Variants in PDE1A observed in about 807,000 individuals in gnomAD.
PDE1A encodes the protein dual specificity calcium/calmodulin-dependent 3',5'-cyclic nucleotide phosphodiesterase 1A.
PDE1A carries 35 observed loss-of-function variants against 61.7 expected under a neutral mutation model. The ratio of observed to expected loss-of-function variants is 0.57; its 90% CI spans 0.43 to 0.75. The LOEUF (loss-of-function observed/expected upper bound fraction) is 0.75, where lower values mean the gene tolerates loss of function less well. PDE1A is among the 30% of genes least tolerant of loss of function. The pLI is 0.00. For missense variants in PDE1A, 597 were observed against 630.6 expected (o/e 0.95, Z 0.57); for synonymous variants, 232 against 213.2 (o/e 1.09, Z -0.77).
intron 1 of PDE1A, among the ~76,000 whole-genome samples, chr2:182,383,522 G>A (rs942674442): frequency 2.0e-5 from 3 of 152,018 alleles, no homozygotes; most frequent in Non-Finnish European, 4.4e-5. Context: ...ATAATACAAG[G>A]CGAAGGAAAA....
intron 13 of PDE1A, among the ~76,000 whole-genome samples, chr2:182,149,839 A>G (rs1690686233): frequency 1.3e-5 from 2 of 152,196 alleles, no homozygotes; most frequent in South Asian, 4.1e-4. Flanking sequence ...ATGGTTTTGA[A>G]TCATAGATCC....
the PDE1A span, among the ~76,000 whole-genome samples, chr2:182,670,832 G>A: frequency 5.3e-5 from 8 of 152,112 alleles, no homozygotes; most frequent in South Asian, 6.2e-4. Context: ...GGGGAGGCGG[G>A]TGGTGGATGG....
At chr2:182,654,667 C>T in the PDE1A span, among the ~76,000 whole-genome samples, 23,956 of 152,042 alleles carry the variant, frequency 0.16, 2,521 homozygotes, top group African/African-American at 0.3. Flanking sequence ...ATGGCATACA[C>T]ATGAAGTAAC....
the PDE1A span, among the ~76,000 whole-genome samples, chr2:182,690,908 A>T: frequency 6.6e-6 from 1 of 152,228 alleles, no homozygotes; most frequent in African/African-American, 2.4e-5. Flanking sequence ...GAGCCAAATC[A>T]TGAGTGAACT....
intron 11 of PDE1A, among the ~76,000 whole-genome samples, chr2:182,186,901 A>T (rs1263567744): frequency 6.6e-6 from 1 of 152,216 alleles, no homozygotes; most frequent in African/African-American, 2.4e-5. Flanking sequence ...ATTTAGATCC[A>T]ATGAGAGTGA....
At chr2:182,444,795 G>A (rs1318795108) in intron 2 of PDE1A, among the ~76,000 whole-genome samples, 3 of 152,062 alleles carry the variant, frequency 2.0e-5, no homozygotes, top group Non-Finnish European at 4.4e-5. Context: ...ATATATAGCT[G>A]AATAACATGT....
At chr2:182,245,880 T>C (rs1690907245) in intron 2 of PDE1A, among the ~76,000 whole-genome samples, 1 of 152,198 alleles carries the variant, frequency 6.6e-6, no homozygotes, top group Admixed American at 6.5e-5. Flanking sequence ...CATAAGTGTT[T>C]AGTTTTGCAA....
chr2:182,383,791 G>A (rs1034322986), intron 1 of PDE1A, among the ~76,000 whole-genome samples: 2 of 152,144 alleles, frequency 1.3e-5, no homozygotes, highest in East Asian at 1.9e-4. Context: ...TACATTACTC[G>A]CATCATTCTT....
chr2:182,701,135 C>T, the PDE1A span, among the ~76,000 whole-genome samples: 9 of 150,938 alleles, frequency 6.0e-5, no homozygotes, highest in African/African-American at 1.5e-4. Context: ...CCCAGGTTCA[C>T]GCCATTCTCC....
the PDE1A span, among the ~76,000 whole-genome samples, chr2:182,670,144 A>C: frequency 6.6e-6 from 1 of 152,228 alleles, no homozygotes; most frequent in African/African-American, 2.4e-5. Flanking sequence ...ATAAGTGCCC[A>C]GTACAACCCC....
intron 10 of PDE1A, among the ~76,000 whole-genome samples, chr2:182,198,422 C>T (rs1686320901): frequency 6.6e-6 from 1 of 151,776 alleles, no homozygotes; most frequent in Non-Finnish European, 1.5e-5. Context: ...GTAAGAGTAC[C>T]TATAATGATC....
At chr2:182,636,864 T>G in the PDE1A span, among the ~76,000 whole-genome samples, 2 of 152,174 alleles carry the variant, frequency 1.3e-5, no homozygotes, top group East Asian at 1.9e-4. Context: ...AGGTCCCTAT[T>G]TCCTTGCTGG....
At chr2:182,175,121 C>T (rs912728990) in intron 13 of PDE1A, among the ~76,000 whole-genome samples, 8 of 152,174 alleles carry the variant, frequency 5.3e-5, no homozygotes, top group Non-Finnish European at 1.2e-4. Context: ...ATACATGCCA[C>T]ATTTTCTTTA....
intron 2 of PDE1A, among the ~76,000 whole-genome samples, chr2:182,484,293 C>A (rs1427638617): frequency 6.6e-6 from 1 of 151,790 alleles, no homozygotes; most frequent in Non-Finnish European, 1.5e-5. Flanking sequence ...AACTATAGAA[C>A]AATACTTTTC....
intron 11 of PDE1A, among the ~76,000 whole-genome samples, chr2:182,187,721 ATGTTCTTTTTT>A (rs1320163150): frequency 8.0e-6 from 1 of 124,280 alleles, no homozygotes; most frequent in Non-Finnish European, 1.7e-5. Context: ...TTTAAGTTCT[ATGTTCTTTTTT>A]TGTTCTTTTT....
chr2:182,253,194 C>T (rs560380600), intron 2 of PDE1A, among the ~76,000 whole-genome samples: 1 of 152,278 alleles, frequency 6.6e-6, no homozygotes, highest in South Asian at 2.1e-4. Context: ...AGATGAAGAA[C>T]ATGAATTTGG....
At chr2:182,638,728 G>C in the PDE1A span, among the ~76,000 whole-genome samples, 1 of 152,176 alleles carries the variant, frequency 6.6e-6, no homozygotes, top group Non-Finnish European at 1.5e-5. Context: ...TGCACAGGAA[G>C]ATTACAACAG....
intron 1 of PDE1A, among the ~76,000 whole-genome samples, chr2:182,378,434 A>G (rs531449366): frequency 2.0e-5 from 3 of 152,198 alleles, no homozygotes; most frequent in Non-Finnish European, 4.4e-5. Flanking sequence ...TGAGTCAACA[A>G]CTGTCAAATT....
chr2:182,662,352 C>CAAAAAAAAAACA, the PDE1A span, among the ~76,000 whole-genome samples: 4,512 of 115,314 alleles, frequency 0.039, 261 homozygotes, highest in African/African-American at 0.13. Context: ...AAAAAAAAAA[C>CAAAAAAAAAACA]AAAAAAAAAC....
Sources: gnomAD v4.1 joint callset for allele counts (sites outside exome capture counted in the v4.1 genomes callset) on GRCh38, gnomAD v4.1.1 for gene constraint, MANE v1.5 for transcripts, NCBI Gene and HGNC (gene_info 2026-07-23, HGNC 2026-07-21) for gene names.